Variants in TAFA4 observed in about 807,000 individuals in gnomAD.
TAFA4 encodes TAFA chemokine like family member 4, also known as chemokine-like protein TAFA-4.
A neutral mutation model predicts 21.1 loss-of-function variants in TAFA4; 20 were observed. The ratio of observed to expected loss-of-function variants is 0.95; its 90% CI spans 0.67 to 1.38. TAFA4 has a LOEUF of 1.38. TAFA4 is among the 40% of genes most tolerant of loss of function. The probability of loss-of-function intolerance (pLI) is 0.00; values close to 1 mark genes in which losing one functional copy is unlikely to be tolerated. For missense variants in TAFA4, 211 were observed against 180.9 expected (o/e 1.17, Z -0.95); for synonymous variants, 71 against 67.4 (o/e 1.05, Z -0.26).
intron 3 of TAFA4, among the ~76,000 whole-genome samples, chr3:68,778,854 G>C (rs1262616356): frequency 2.6e-5 from 4 of 152,170 alleles, no homozygotes; most frequent in Non-Finnish European, 5.9e-5. Context: ...GGGTGTTGCT[G>C]AAAAGATACC....
intron 1 of TAFA4, among the ~76,000 whole-genome samples, chr3:68,914,576 G>A (rs1217448892): frequency 2.0e-5 from 3 of 152,126 alleles, no homozygotes; most frequent in South Asian, 2.1e-4. Context: ...TGATGCATTC[G>A]TGATGCACTT....
intron 3 of TAFA4, among the ~76,000 whole-genome samples, chr3:68,846,724 G>C (rs527793173): frequency 6.6e-6 from 1 of 152,046 alleles, no homozygotes; most frequent in Non-Finnish European, 1.5e-5. Context: ...CCTTTTTGTT[G>C]ATGTTGATGC....
At chr3:68,858,098 C>T (rs1705111529) in intron 3 of TAFA4, among the ~76,000 whole-genome samples, 1 of 152,136 alleles carries the variant, frequency 6.6e-6, no homozygotes, top group African/African-American at 2.4e-5. Flanking sequence ...ATGGCAGTGT[C>T]GCCATCTTTC....
chr3:68,906,346 G>C (rs182898024), intron 1 of TAFA4, among the ~76,000 whole-genome samples: 1 of 152,098 alleles, frequency 6.6e-6, no homozygotes, highest in East Asian at 1.9e-4. Flanking sequence ...TCAATTATTC[G>C]GGGTCTTTTA....
intron 3 of TAFA4, among the ~76,000 whole-genome samples, chr3:68,866,901 G>C (rs2089427771): frequency 6.6e-6 from 1 of 151,760 alleles, no homozygotes; most frequent in Non-Finnish European, 1.5e-5. Context: ...AGAATGAAAA[G>C]GAACAAAGGA....
In TAFA4 at chr3:68,885,193, T is replaced by C. The variant is rs1196902098; in HGVS notation, c.-5A>G. 1 of 1,612,926 alleles carries C rather than the reference T, an allele frequency of 6.2e-7. No homozygotes were observed. Among genetic ancestry groups the C allele is most frequent in the South Asian group, 1.1e-5 (1 of 90,892 alleles). On this transcript the variant is annotated 5_prime_UTR_variant, in exon 2 of 6. Transcript: ENST00000295569. ...ATCTTACCTTGGGGACCTCATAAGATGTGGTTCTAGTCAAACACACTTATT... is the reference window on the plus strand; with the variant it reads ...ATCTTACCTTGGGGACCTCATAAGACGTGGTTCTAGTCAAACACACTTATT...
chr3:68,735,051 T>G (rs891176308), intron 5 of TAFA4, among the ~76,000 whole-genome samples: 1 of 152,132 alleles, frequency 6.6e-6, no homozygotes, highest in Non-Finnish European at 1.5e-5. Flanking sequence ...ACAAGGCTAC[T>G]AAGATGCCAA....
At chr3:68,786,111 C>T (rs377112955) in intron 3 of TAFA4, among the ~76,000 whole-genome samples, 2 of 152,050 alleles carry the variant, frequency 1.3e-5, no homozygotes, top group Non-Finnish European at 2.9e-5. Context: ...ATTAATAAAG[C>T]AAATTGCTGG....
chr3:68,748,114 ACT>A (rs1417844163), intron 4 of TAFA4, among the ~76,000 whole-genome samples: 13 of 152,144 alleles, frequency 8.5e-5, no homozygotes, highest in African/African-American at 3.1e-4. Flanking sequence ...GAACTAGTAA[ACT>A]CTGAGTTCCT....
chr3:68,808,812 C>A (rs556260432), intron 3 of TAFA4, among the ~76,000 whole-genome samples: 1 of 152,338 alleles, frequency 6.6e-6, no homozygotes, highest in East Asian at 1.9e-4. Context: ...GGGTTTACTT[C>A]TGACTTAATG....
intron 3 of TAFA4, 114 bp downstream of exon 3, chr3:68,880,616 G>A (rs2089605069): frequency 2.5e-6 from 2 of 795,044 alleles, no homozygotes; most frequent in Non-Finnish European, 4.2e-6. Flanking sequence ...GCTTCCTCTA[G>A]TTATTTACAC....
chr3:68,867,764 T>C (rs1328414226), intron 3 of TAFA4, among the ~76,000 whole-genome samples: 1 of 152,116 alleles, frequency 6.6e-6, no homozygotes, highest in East Asian at 1.9e-4. Flanking sequence ...TTATCGTTTA[T>C]TTAAAATAAC....
chr3:68,909,354 C>A (rs915368666), intron 1 of TAFA4, among the ~76,000 whole-genome samples: 4 of 152,118 alleles, frequency 2.6e-5, no homozygotes, highest in African/African-American at 9.7e-5. Flanking sequence ...TTAACAGTTA[C>A]AACAATATCA....
chr3:68,858,184 G>C (rs931705113), intron 3 of TAFA4, among the ~76,000 whole-genome samples: 4 of 152,108 alleles, frequency 2.6e-5, no homozygotes, highest in Non-Finnish European at 5.9e-5. Context: ...ATCAAGTGAA[G>C]TCATGTGATT....
At chr3:68,844,847 C>T (rs6782066) in intron 3 of TAFA4, among the ~76,000 whole-genome samples, 48,089 of 152,042 alleles carry the variant, frequency 0.32, 8,008 homozygotes, top group Non-Finnish European at 0.37. Context: ...TTTCTTAATC[C>T]TGAGTTCTAA....
At chr3:68,913,765 TAGAGACAGAG>T (rs1012526386) in intron 1 of TAFA4, 3 of 146,486 alleles carry the variant, frequency 2.0e-5, no homozygotes, top group Non-Finnish European at 4.6e-5. Context: ...CAGTCTCAAT[TAGAGACAGAG>T]AGAGAAAGAA....
intron 3 of TAFA4, among the ~76,000 whole-genome samples, chr3:68,860,717 A>T (rs1007900513): frequency 2.0e-5 from 3 of 152,116 alleles, no homozygotes; most frequent in African/African-American, 7.2e-5. Flanking sequence ...TGGAAGATGA[A>T]TTCCAAGAAT....
chr3:68,817,254 G>A (rs76598244), intron 3 of TAFA4, among the ~76,000 whole-genome samples: 13,098 of 152,132 alleles, frequency 0.086, 692 homozygotes, highest in African/African-American at 0.14. Context: ...TTGTTCATCC[G>A]TAAGAAGCAA....
At chr3:68,863,251 A>G (rs1214765976) in intron 3 of TAFA4, among the ~76,000 whole-genome samples, 2 of 152,094 alleles carry the variant, frequency 1.3e-5, no homozygotes, top group African/African-American at 4.8e-5. Context: ...GTCTCAAAAA[A>G]AAGATAGAAA....
Sources: allele counts gnomAD v4.1 joint callset (sites outside exome capture counted in the v4.1 genomes callset), GRCh38; gene constraint gnomAD v4.1.1; transcripts MANE v1.5; gene names NCBI Gene and HGNC (gene_info 2026-07-23, HGNC 2026-07-21).